Variants in GRIP1 observed in about 807,000 individuals in gnomAD.
GRIP1 encodes glutamate receptor interacting protein 1.
GRIP1 carries 45 observed loss-of-function variants against 129.9 expected under a neutral mutation model. That is an observed-to-expected ratio of 0.35 (90% CI 0.27 to 0.44). The LOEUF (loss-of-function observed/expected upper bound fraction) is 0.44. Ranked by LOEUF, GRIP1 falls within the 20% of genes least tolerant of loss-of-function variation. The pLI is 1.00. For synonymous variants in GRIP1, 530 were observed against 520.8 expected (o/e 1.02, Z -0.24); for missense variants, 1,196 against 1,396.8 (o/e 0.86, Z 2.29).
intron 1 of GRIP1, among the ~76,000 whole-genome samples, chr12:67,028,248 T>C (rs1402909034): frequency 6.6e-6 from 1 of 152,226 alleles, no homozygotes; most frequent in African/African-American, 2.4e-5. Context: ...TATATCCTTT[T>C]AGCAATTCCA....
chr12:66,701,393 ATG>A (rs2035346608), intron 1 of GRIP1, among the ~76,000 whole-genome samples: 1 of 152,224 alleles, frequency 6.6e-6, no homozygotes. Flanking sequence ...TAGGAAATAT[ATG>A]TACAAGGTAC....
intron 1 of GRIP1, among the ~76,000 whole-genome samples, chr12:66,999,168 GAGCA>G (rs1384696364): frequency 6.6e-6 from 1 of 151,970 alleles, no homozygotes; most frequent in African/African-American, 2.4e-5. Flanking sequence ...CATCTCAATG[GAGCA>G]AACAATAATA....
intron 1 of GRIP1, among the ~76,000 whole-genome samples, chr12:66,794,261 G>A (rs1436083400): frequency 4.6e-5 from 7 of 152,180 alleles, no homozygotes; most frequent in African/African-American, 1.4e-4. Context: ...ACAAAGTAAT[G>A]AGATAGGTTT....
At chr12:66,474,079 C>T (rs180906977) in intron 7 of GRIP1, among the ~76,000 whole-genome samples, 1 of 151,800 alleles carries the variant, frequency 6.6e-6, no homozygotes, top group Non-Finnish European at 1.5e-5. Flanking sequence ...AAGCTAAGAA[C>T]CTTGAAAAAA....
At chr12:66,635,405 CAG>C (rs956412922) in intron 1 of GRIP1, among the ~76,000 whole-genome samples, 94 of 150,742 alleles carry the variant, frequency 6.2e-4, no homozygotes, top group African/African-American at 1.7e-3. Context: ...GCCTGGGTGA[CAG>C]AGTGAGACCC....
At chr12:67,026,351 A>C (rs2042941705) in intron 1 of GRIP1, among the ~76,000 whole-genome samples, 1 of 152,114 alleles carries the variant, frequency 6.6e-6, no homozygotes, top group Non-Finnish European at 1.5e-5. Flanking sequence ...TTGTTGGGAA[A>C]ATTTTTTCTC....
chr12:66,634,554 GA>G, intron 1 of GRIP1, among the ~76,000 whole-genome samples: 1 of 152,066 alleles, frequency 6.6e-6, no homozygotes, highest in Non-Finnish European at 1.5e-5. Flanking sequence ...TTAAGAATCA[GA>G]ATTGGAAATG....
At chr12:66,406,175 C>T in intron 16 of GRIP1, 108 bp downstream of exon 16, 2 of 1,082,296 alleles carry the variant, frequency 1.8e-6, no homozygotes, top group Non-Finnish European at 2.8e-6. Flanking sequence ...TGAAACACTG[C>T]TGCCACATCA....
intron 13 of GRIP1, among the ~76,000 whole-genome samples, chr12:66,440,557 C>T (rs1253752571): frequency 6.6e-6 from 1 of 152,164 alleles, no homozygotes; most frequent in Non-Finnish European, 1.5e-5. Context: ...TAAGTGAGAA[C>T]ATGTGATGTT....
chr12:66,348,814 T>A lies in GRIP1; in HGVS notation c.*205A>T. ...GGGACTGGCAGGGCATTGCCCACCATATACCATAGTGGTCACCAAAAAAGA... is the reference window on the plus strand; with the variant it reads ...GGGACTGGCAGGGCATTGCCCACCAAATACCATAGTGGTCACCAAAAAAGA... On this transcript the variant is annotated 3_prime_UTR_variant, in exon 25 of 25. Transcript: ENST00000359742. 1 of 603,336 alleles carries A rather than the reference T, an allele frequency of 1.7e-6. No individual in the cohort carries two copies. Among genetic ancestry groups the A allele is most frequent in the Non-Finnish European group, 3.0e-6 (1 of 338,726 alleles). The allele number at this position is 603,336 out of a possible 1,614,324, so 37.4% of individuals were successfully genotyped here. A position where few individuals can be genotyped will look rare whatever the true frequency, so the allele number is the denominator to read the frequency against.
At chr12:66,558,791 C>CA (rs1346532325) in intron 2 of GRIP1, among the ~76,000 whole-genome samples, 2 of 124,630 alleles carry the variant, frequency 1.6e-5, no homozygotes, top group Admixed American at 8.0e-5. Context: ...CAAACTATTC[C>CA]AAAAAATAAA....
At chr12:66,772,532 G>A (rs2037851297) in intron 1 of GRIP1, among the ~76,000 whole-genome samples, 1 of 152,184 alleles carries the variant, frequency 6.6e-6, no homozygotes, top group Admixed American at 6.5e-5. Flanking sequence ...AATGGGATAT[G>A]TCTTTAACAG....
At chr12:66,414,750 A>T (rs958874068) in intron 15 of GRIP1, among the ~76,000 whole-genome samples, 3 of 151,986 alleles carry the variant, frequency 2.0e-5, no homozygotes, top group Non-Finnish European at 4.4e-5. Flanking sequence ...AAGCAGACAT[A>T]TAGACCAAAG....
chr12:66,758,597 T>A (rs2037373696), intron 1 of GRIP1, among the ~76,000 whole-genome samples: 1 of 152,150 alleles, frequency 6.6e-6, no homozygotes. Context: ...CAAAATCTCA[T>A]CTGAGACAAG....
chr12:66,485,060 G>T (rs1248514544), intron 7 of GRIP1, among the ~76,000 whole-genome samples: 1 of 152,102 alleles, frequency 6.6e-6, no homozygotes, highest in Non-Finnish European at 1.5e-5. Flanking sequence ...TGGAATTGTT[G>T]GGTCACAGGG....
chr12:66,431,209 C>A (rs1044357504), intron 14 of GRIP1, among the ~76,000 whole-genome samples: 2 of 152,118 alleles, frequency 1.3e-5, no homozygotes, highest in African/African-American at 4.8e-5. Flanking sequence ...TAGTGACATA[C>A]CATCTTTGCT....
chr12:66,469,936 C>T (rs1420137163), intron 7 of GRIP1, among the ~76,000 whole-genome samples: 1 of 152,198 alleles, frequency 6.6e-6, no homozygotes, highest in African/African-American at 2.4e-5. Flanking sequence ...TGGGTTCACG[C>T]TGCCCTCCAT....
chr12:66,789,844 A>C (rs1480013), intron 1 of GRIP1, among the ~76,000 whole-genome samples: 47,605 of 152,018 alleles, frequency 0.31, 8,093 homozygotes, highest in South Asian at 0.4. Context: ...GAACATGCAA[A>C]TTCTAATCAT....
chr12:66,593,579 G>T (rs1191870963), intron 2 of GRIP1, among the ~76,000 whole-genome samples: 1 of 152,142 alleles, frequency 6.6e-6, no homozygotes, highest in Admixed American at 6.5e-5. Flanking sequence ...AAGTTTCAAA[G>T]AACAGCTTAA....
Sources: allele counts gnomAD v4.1 joint callset (sites outside exome capture counted in the v4.1 genomes callset), GRCh38; gene constraint gnomAD v4.1.1; transcripts MANE v1.5; gene names NCBI Gene and HGNC (gene_info 2026-07-23, HGNC 2026-07-21).